Variants in LRIT3 observed in about 807,000 individuals in gnomAD.
LRIT3 encodes leucine-rich repeat, immunoglobulin-like domain and transmembrane domain-containing protein 3.
Under a neutral mutation model 22.6 loss-of-function variants are expected in LRIT3, and 14 were observed. That is an observed-to-expected ratio of 0.62 (90% CI 0.41 to 0.97). The LOEUF (loss-of-function observed/expected upper bound fraction) is 0.97, where lower values mean the gene tolerates loss of function less well. Among genes scored for constraint, LRIT3 ranks in the 50% least tolerant of loss-of-function variants. The pLI is 0.00. For synonymous variants in LRIT3, 306 were observed against 304.5 expected, an observed-to-expected ratio of 1.01 and a Z score of -0.05; for missense variants, 783 against 803.0, an observed-to-expected ratio of 0.98 and a Z score of 0.30.
Position 109,870,693 on chromosome 4 carries a change from G to T in LRIT3, c.1944G>T (p.Arg648Ser), listed in dbSNP as rs763277882. ...SVGELWTRSH[R>S]DDSEKLLLCS... is the part of the protein sequence containing the mutation. ...GTGAGCTCTGGACACGAAGCCACAG[G>T]GATGACTCAGAGAAATTGCTGCTTT... The change falls in exon 4 of 4, where the codon AGG becomes AGT. Residue 648 changes from arginine (R) to serine (S), a missense_variant. Arg to Ser is a moderately radical substitution (Grantham distance 110). This residue lies in a region of LRIT3 where 756 missense variants were observed against 753.8 expected (regional missense o/e 1.00). Transcript: ENST00000594814. The T allele has an allele frequency of 4.3e-5, 69 of 1,613,992 alleles. 1 individual carries two copies. In the Admixed American group the frequency reaches 1.1e-3, roughly 27 times the overall value.
Position 109,870,083 on chromosome 4 carries a change from A to G in LRIT3, c.1334A>G (p.His445Arg). ...TMANKRSFQL[H>R]QGGKRNLKVA... ...GCCAACAAGCGATCATTCCAGCTCC[A>G]CCAAGGTGGGAAAAGAAATTTAAAG... Residue 445 changes from histidine (H) to arginine (R), a missense_variant, in exon 4 of 4, where the codon CAC becomes CGC. Physicochemically the swap from His to Arg is conservative, Grantham distance 29. This residue lies in a region of LRIT3 where 756 missense variants were observed against 753.8 expected (regional missense o/e 1.00). Coordinates refer to ENST00000594814, the MANE Select transcript of LRIT3 (RefSeq NM_198506.5). The G allele has an allele frequency of 6.2e-7, 1 of 1,614,194 alleles. No homozygotes were observed. The highest frequency in any genetic ancestry group is 8.5e-7 in the Non-Finnish European group (1 of 1,180,026).
intron 1 of LRIT3, among the ~76,000 whole-genome samples, chr4:109,850,107 A>G (rs1406760650): frequency 2.6e-5 from 4 of 152,240 alleles, no homozygotes; most frequent in Non-Finnish European, 5.9e-5. Flanking sequence ...ACGTGTGTAT[A>G]CATTATGAGC....
Position 109,867,897 on chromosome 4 carries a change from C to G in LRIT3, c.846C>G (p.Thr282=). ...GGTGTGATGCCACTGGCTTCCCCAC[C>G]CCACAGATCACATGGACCAGATCTG... ...LLRCDATGFP[T]PQITWTRSDS... The change falls in exon 3 of 4, where the codon ACC becomes ACG. Residue 282 remains threonine, a synonymous_variant. Transcript: ENST00000594814. 1 of 1,613,778 alleles carries G rather than the reference C, an allele frequency of 6.2e-7. No homozygotes were observed. The highest frequency in any genetic ancestry group is 8.5e-7 in the Non-Finnish European group (1 of 1,180,012).
intron 2 of LRIT3, among the ~76,000 whole-genome samples, chr4:109,855,364 T>A (rs1284860205): frequency 6.6e-6 from 1 of 152,228 alleles, no homozygotes; most frequent in Admixed American, 6.5e-5. Flanking sequence ...GTAGTTTGTA[T>A]TTCTTTGGGA....
At chr4:109,865,182 C>A (rs1408137896) in intron 2 of LRIT3, 2 of 1,472,840 alleles carry the variant, frequency 1.4e-6, no homozygotes, top group South Asian at 1.2e-5. Flanking sequence ...CCCATTTTGC[C>A]GATGAGAAAA....
chr4:109,848,487 C>T (rs1295528782), intron 1 of LRIT3, among the ~76,000 whole-genome samples, 170 bp downstream of exon 1: 1 of 152,166 alleles, frequency 6.6e-6, no homozygotes. Flanking sequence ...CCTACTCCTT[C>T]ACTGTTTTCG....
chr4:109,864,537 C>A (rs1362228980), intron 2 of LRIT3, among the ~76,000 whole-genome samples: 1 of 152,252 alleles, frequency 6.6e-6, no homozygotes, highest in East Asian at 1.9e-4. Flanking sequence ...TCTTTTATAA[C>A]TTTTTGTAGA....
intron 2 of LRIT3, among the ~76,000 whole-genome samples, chr4:109,854,663 A>G (rs1214042119): frequency 1.3e-5 from 2 of 152,182 alleles, no homozygotes; most frequent in Non-Finnish European, 2.9e-5. Flanking sequence ...TTCAGAGGGA[A>G]TGCTTCCAGC....
chr4:109,856,854 A>G (rs1324162651), intron 2 of LRIT3, among the ~76,000 whole-genome samples: 1 of 152,226 alleles, frequency 6.6e-6, no homozygotes, highest in Admixed American at 6.5e-5. Flanking sequence ...CAGTTTGAAT[A>G]GATTGATGTA....
intron 2 of LRIT3, among the ~76,000 whole-genome samples, chr4:109,864,578 T>A (rs1467373317): frequency 6.6e-6 from 1 of 152,240 alleles, no homozygotes. Context: ...CAAACTGACC[T>A]GATTAATTTG....
At chr4:109,851,249 A>C (rs1265708328) in intron 1 of LRIT3, 17 of 445,442 alleles carry the variant, frequency 3.8e-5, no homozygotes, top group Non-Finnish European at 6.0e-5. Flanking sequence ...GTAATTAATC[A>C]TCCATAACAG....
chr4:109,851,026 A>G (rs983242651), intron 1 of LRIT3, among the ~76,000 whole-genome samples: 2 of 152,198 alleles, frequency 1.3e-5, no homozygotes, highest in Non-Finnish European at 2.9e-5. Context: ...TTCTTTTAAA[A>G]TGGGCCATTT....
At chr4:109,849,610 T>TTTTA (rs74436268) in intron 1 of LRIT3, among the ~76,000 whole-genome samples, 5,663 of 147,732 alleles carry the variant, frequency 0.038, 128 homozygotes, top group Non-Finnish European at 0.055. Flanking sequence ...GAGATACTTA[T>TTTTA]TTTATTTATT....
intron 3 of LRIT3, among the ~76,000 whole-genome samples, chr4:109,869,164 A>T (rs938045625): frequency 6.6e-6 from 1 of 152,240 alleles, no homozygotes; most frequent in African/African-American, 2.4e-5. Flanking sequence ...GGCTATAGAG[A>T]TATATGCATT....
At chr4:109,850,485 T>TTCTTTCTA in intron 1 of LRIT3, among the ~76,000 whole-genome samples, 1 of 143,268 alleles carries the variant, frequency 7.0e-6, no homozygotes. Context: ...CTTTCTTTCT[T>TTCTTTCTA]TTCTATTTTG....
At chr4:109,853,316 C>T (rs1734318042) in intron 2 of LRIT3, among the ~76,000 whole-genome samples, 1 of 152,184 alleles carries the variant, frequency 6.6e-6, no homozygotes, top group Admixed American at 6.5e-5. Flanking sequence ...TTTTGATTTG[C>T]ATTTCTCTAA....
intron 1 of LRIT3, 65 bp from the exon 2 acceptor site, chr4:109,851,436 GAGA>G: frequency 6.8e-7 from 1 of 1,460,592 alleles, no homozygotes; most frequent in East Asian, 2.5e-5. Flanking sequence ...TTTTTCAAAT[GAGA>G]AGTATTTTTT....
At chr4:109,869,504 C>G (rs1211711799) in intron 3 of LRIT3, 141 bp from the exon 4 acceptor site, 1 of 754,620 alleles carries the variant, frequency 1.3e-6, no homozygotes, top group Admixed American at 3.1e-5. Context: ...CACCCACTGT[C>G]AGAGACTTGC....
Position 109,871,061 on chromosome 4 carries a change from T to G in LRIT3, c.*272T>G, listed in dbSNP as rs1013692031. On this transcript the variant is annotated 3_prime_UTR_variant, in exon 4 of 4. Coordinates refer to ENST00000594814, the MANE Select transcript of LRIT3 (RefSeq NM_198506.5). ...ATACTTTTTAGGGTAATGTTTTAGTTCTTAAAAATAAGTTCATGTGAAAGT... is the reference window on the plus strand; with the variant it reads ...ATACTTTTTAGGGTAATGTTTTAGTGCTTAAAAATAAGTTCATGTGAAAGT... 1 of 283,792 alleles carries G rather than the reference T, an allele frequency of 3.5e-6. No homozygotes were observed. Among genetic ancestry groups the G allele is most frequent in the Non-Finnish European group, 6.5e-6 (1 of 154,900 alleles). 17.6% of individuals were successfully genotyped at this position (283,792 alleles called of 1,614,324 possible). A position where few individuals can be genotyped will look rare whatever the true frequency, so the allele number is the denominator to read the frequency against.
Sources: gnomAD v4.1 joint callset for allele counts (sites outside exome capture counted in the v4.1 genomes callset) on GRCh38, gnomAD v4.1.1 for gene constraint, gnomAD v4.1.1 regional missense constraint, MANE v1.5 for transcripts, NCBI Gene and HGNC (gene_info 2026-07-23, HGNC 2026-07-21) for gene names.